Variants in ZNF91 observed in about 807,000 individuals in gnomAD.
The protein encoded by ZNF91 is zinc finger protein 91 (HPF7, HTF10).
In ZNF91, 7 loss-of-function variants were observed where a neutral mutation model predicts 12.6. That is an observed-to-expected ratio of 0.55 (90% CI 0.31 to 1.04). The LOEUF (loss-of-function observed/expected upper bound fraction) is 1.04, where lower values mean the gene tolerates loss of function less well. Among genes scored for constraint, ZNF91 ranks in the 50% least tolerant of loss-of-function variants. The probability of loss-of-function intolerance (pLI) is 0.05; values close to 1 mark genes in which losing one functional copy is unlikely to be tolerated. For missense variants in ZNF91, 1,217 were observed against 1,385.4 expected (o/e 0.88, Z 1.93); for synonymous variants, 453 against 462.6 (o/e 0.98, Z 0.27).
intron 3 of ZNF91, among the ~76,000 whole-genome samples, chr19:23,349,624 C>A (rs1415190859): frequency 6.6e-6 from 1 of 152,266 alleles, no homozygotes; most frequent in Non-Finnish European, 1.5e-5. Context: ...ATGTGTTTAT[C>A]TGCCAACCCG....
intron 1 of ZNF91, chr19:23,380,630 A>C (rs746879693): frequency 2.6e-5 from 4 of 152,174 alleles, no homozygotes; most frequent in Admixed American, 2.0e-4. Context: ...CTTAAGAAAA[A>C]ACTGAGATTA....
chr19:23,361,965 A>G lies in ZNF91; in HGVS notation c.1014T>C (p.Ala338=), dbSNP rs749165142. The G allele has an allele frequency of 9.3e-6, 15 of 1,613,404 alleles. No homozygotes were observed. In the Admixed American group the frequency reaches 1.2e-4, roughly 13 times the overall value. The change falls in exon 4 of 4, where the codon GCT becomes GCC. Residue 338 remains alanine, a synonymous_variant. Transcript: ENST00000300619. Reference sequence around the variant, plus strand: ...CTCCAGTATGAATTCTCTTATGTTTAGCAAGGGTTGAAGAACGGCTAAAAG... The same window carrying G: ...CTCCAGTATGAATTCTCTTATGTTTGGCAAGGGTTGAAGAACGGCTAAAAG... ...GKAFSRSSTL[A]KHKRIHTGEK...
At chr19:23,372,835 A>T (rs1969340569) in intron 3 of ZNF91, among the ~76,000 whole-genome samples, 1 of 152,182 alleles carries the variant, frequency 6.6e-6, no homozygotes, top group Admixed American at 6.5e-5. Context: ...AACGTGGGAA[A>T]ATCCTCTCTT....
downstream of ZNF91, among the ~76,000 whole-genome samples, chr19:23,336,524 A>G (rs1489758382): frequency 6.6e-6 from 1 of 152,200 alleles, no homozygotes; most frequent in Non-Finnish European, 1.5e-5. Flanking sequence ...CGTGGTTTAC[A>G]AAGAAAAGGG....
Position 23,359,281 on chromosome 19 carries a change from G to C in ZNF91, c.*122C>G. ...TCTGTCGCCCAGGCTTGAGTGCAGT[G>C]GCGTGATCTCGGCTCACTGCAAGCT... On this transcript the variant is annotated 3_prime_UTR_variant, in exon 4 of 4. Transcript: ENST00000300619. 2 of 490,580 alleles carry C rather than the reference G, an allele frequency of 4.1e-6. No homozygotes were observed. Among genetic ancestry groups the C allele is most frequent in the Non-Finnish European group, 7.4e-6 (2 of 271,362 alleles). The allele number at this position is 490,580 out of a possible 1,614,324, so 30.4% of individuals were successfully genotyped here.
At chr19:23,305,285 G>GT (rs1328731530) in intron 3 of ZNF91, among the ~76,000 whole-genome samples, 1 of 152,020 alleles carries the variant, frequency 6.6e-6, no homozygotes, top group Non-Finnish European at 1.5e-5. Flanking sequence ...AAAAAAAAAG[G>GT]TAAGTCAGAG....
At chr19:23,331,394 G>A (rs537525131) in intron 1 of ZNF91, among the ~76,000 whole-genome samples, 146 of 152,286 alleles carry the variant, frequency 9.6e-4, no homozygotes, top group Middle Eastern at 3.4e-3. Context: ...CAGGCCATGC[G>A]ATGTGTCTTA....
At chr19:23,374,814 AT>A (rs747319553) in intron 1 of ZNF91, 50 bp from the exon 2 acceptor site, 4 of 1,590,920 alleles carry the variant, frequency 2.5e-6, no homozygotes, top group Middle Eastern at 1.7e-4. Context: ...TATGGGCAGA[AT>A]TTTTCATTTG....
At chr19:23,341,919 A>G (rs1968133566) in intron 3 of ZNF91, among the ~76,000 whole-genome samples, 1 of 152,220 alleles carries the variant, frequency 6.6e-6, no homozygotes, top group African/African-American at 2.4e-5. Flanking sequence ...GCAGCACCTT[A>G]TAAGCCATAA....
chr19:23,382,049 C>CAAAAAAAAAAA (rs60814223), intron 1 of ZNF91, among the ~76,000 whole-genome samples: 2 of 79,390 alleles, frequency 2.5e-5, no homozygotes, highest in East Asian at 5.0e-4. Flanking sequence ...AATCCTGAGA[C>CAAAAAAAAAAA]AAAAAAAAAA....
At chr19:23,346,010 C>A (rs188786943) in intron 3 of ZNF91, among the ~76,000 whole-genome samples, 1 of 152,082 alleles carries the variant, frequency 6.6e-6, no homozygotes, top group Non-Finnish European at 1.5e-5. Flanking sequence ...CTTGCTCAGG[C>A]GCCACCTTTA....
At chr19:23,380,331 C>CTTG (rs994859564) in intron 1 of ZNF91, 1 of 135,004 alleles carries the variant, frequency 7.4e-6, no homozygotes, top group African/African-American at 2.7e-5. Context: ...AGAAGGAGAG[C>CTTG]TTGCAGGCCT....
Position 23,357,906 on chromosome 19 carries a change from A to G in ZNF91, c.*1497T>C, listed in dbSNP as rs1427405383. 1.3e-5 allele frequency: 2 copies of G among 152,186 alleles called. No homozygotes were observed. Among genetic ancestry groups the G allele is most frequent in the Non-Finnish European group, 2.9e-5 (2 of 68,012 alleles). 9.4% of individuals were successfully genotyped at this position (152,186 alleles called of 1,614,324 possible). ...GTGTGTCCGTATCAAAATATGCCACATATGGCATAATATGTACACATATTA... is the reference window on the plus strand; with the variant it reads ...GTGTGTCCGTATCAAAATATGCCACGTATGGCATAATATGTACACATATTA... On this transcript the variant is annotated 3_prime_UTR_variant, in exon 4 of 4. Coordinates refer to ENST00000300619, the MANE Select transcript of ZNF91 (RefSeq NM_003430.4).
rs557262323 is a variant in ZNF91, at chr19:23,372,408, T to C, written c.253+1334A>G. On this transcript the variant is annotated intron_variant, in intron 3 of 3. Transcript: ENST00000300619. Reference sequence around the variant, plus strand: ...AATATTAAGACCTGCCTGGGTTATGTTGCAAGACCCCATCTCAAAAATAAG... The same window carrying C: ...AATATTAAGACCTGCCTGGGTTATGCTGCAAGACCCCATCTCAAAAATAAG... Among the ~76,000 whole-genome samples the C allele has an allele frequency of 5.9e-5, 9 of 152,256 alleles. No individual in the cohort carries two copies. In the South Asian group the frequency reaches 1.2e-3, roughly 21 times the overall value.
At chr19:23,336,737 T>C (rs1968015776), downstream of ZNF91, among the ~76,000 whole-genome samples, 1 of 152,166 alleles carries the variant, frequency 6.6e-6, no homozygotes, top group Non-Finnish European at 1.5e-5. Context: ...GTTTTTGCCC[T>C]CACTCACTAT....
intron 3 of ZNF91, among the ~76,000 whole-genome samples, chr19:23,368,003 G>A (rs189655996): frequency 6.6e-6 from 1 of 151,916 alleles, no homozygotes; most frequent in African/African-American, 2.4e-5. Context: ...TCTGCCTCCC[G>A]GGTTCAAGCG....
chr19:23,313,784 G>A (rs1293593352), upstream of ZNF91, among the ~76,000 whole-genome samples: 1 of 152,158 alleles, frequency 6.6e-6, no homozygotes, highest in Non-Finnish European at 1.5e-5. Flanking sequence ...AGGTGGGTTG[G>A]TGAATCTCAG....
rs568252018 is a variant in ZNF91, at chr19:23,384,831, A to G, written c.31-10067T>C. ...CTGTGTTCACAGAAACACCCTCCTC[A>G]GTGGTCAAAAATACCATCTCCCTCA... On this transcript the variant is annotated intron_variant, in intron 1 of 3. Coordinates refer to ENST00000300619, the MANE Select transcript of ZNF91 (RefSeq NM_003430.4). 209 of 711,826 alleles carry G rather than the reference A, an allele frequency of 2.9e-4. 3 individuals are homozygous for G. The South Asian group carries it at 3.1e-3, about 10-fold the overall frequency. The allele number at this position is 711,826 out of a possible 1,614,324, so 44.1% of individuals were successfully genotyped here.
At chr19:23,377,120 T>C (rs974622574) in intron 1 of ZNF91, among the ~76,000 whole-genome samples, 2 of 151,910 alleles carry the variant, frequency 1.3e-5, no homozygotes, top group Non-Finnish European at 2.9e-5. Context: ...GCTACGGACA[T>C]CAGCAATTTC....
Sources: gnomAD v4.1 joint callset for allele counts (sites outside exome capture counted in the v4.1 genomes callset) on GRCh38, gnomAD v4.1.1 for gene constraint, MANE v1.5 for transcripts, NCBI Gene and HGNC (gene_info 2026-07-23, HGNC 2026-07-21) for gene names.